CDH13: variants seen among roughly 807,000 people sequenced by gnomAD.
CDH13 encodes the protein cadherin-13.
In CDH13, 24 loss-of-function variants were observed where a neutral mutation model predicts 63.8. The ratio of observed to expected loss-of-function variants is 0.38; its 90% confidence interval spans 0.27 to 0.53. CDH13 has a LOEUF of 0.53. Among genes scored for constraint, CDH13 ranks in the 20% least tolerant of loss-of-function variants. CDH13 has a pLI of 0.85. For synonymous variants in CDH13, 503 were observed against 355.3 expected, an observed-to-expected ratio of 1.42 and a Z score of -4.67; for missense variants, 1,049 against 903.1, an observed-to-expected ratio of 1.16 and a Z score of -2.07.
chr16:83,528,222 T>C (rs2075005936), intron 7 of CDH13, among the ~76,000 whole-genome samples: 1 of 152,228 alleles, frequency 6.6e-6, no homozygotes, highest in African/African-American at 2.4e-5. Flanking sequence ...GTAATATCCC[T>C]GCAGCTATTC....
chr16:82,897,732 C>G (rs192457993), intron 2 of CDH13, among the ~76,000 whole-genome samples: 5 of 152,268 alleles, frequency 3.3e-5, no homozygotes, highest in Admixed American at 6.5e-5. Context: ...ATACTCTGCC[C>G]TGCTGAGTAG....
chr16:83,030,070 G>A lies in CDH13; in HGVS notation c.158-1940G>A, dbSNP rs113046849. ...ACCATTGAGGGGAGCATGATCAGCC[G>A]TCACAGCCTCTGCTTGTGTCAATGC... On this transcript the variant is annotated intron_variant, in intron 2 of 13. Transcript: ENST00000567109. Among the ~76,000 whole-genome samples, 100 of 152,242 alleles carry A rather than the reference G, an allele frequency of 6.6e-4. 1 individual carries two copies. In the East Asian group the frequency reaches 9.7e-3, roughly 15 times the overall value.
intron 7 of CDH13, among the ~76,000 whole-genome samples, chr16:83,556,361 T>G (rs2075602284): frequency 6.6e-6 from 1 of 152,212 alleles, no homozygotes; most frequent in South Asian, 2.1e-4. Context: ...ACTGGTTAAA[T>G]GCCTTGTCTA....
intron 1 of CDH13, among the ~76,000 whole-genome samples, chr16:82,700,220 G>A (rs1010313711): frequency 1.3e-5 from 2 of 152,182 alleles, no homozygotes. Flanking sequence ...CTGTGAATGT[G>A]CATACTGAAT....
At chr16:82,945,211 A>C (rs1904570783) in intron 2 of CDH13, among the ~76,000 whole-genome samples, 1 of 152,228 alleles carries the variant, frequency 6.6e-6, no homozygotes, top group African/African-American at 2.4e-5. Flanking sequence ...GTGGGCCATG[A>C]AGTTTCTGTG....
intron 6 of CDH13, among the ~76,000 whole-genome samples, chr16:83,428,148 C>A (rs1225228421): frequency 6.6e-6 from 1 of 152,064 alleles, no homozygotes; most frequent in Non-Finnish European, 1.5e-5. Flanking sequence ...GGAAATGGCA[C>A]CTTTTGACTG....
At chr16:83,531,385 C>G (rs751062324) in intron 7 of CDH13, among the ~76,000 whole-genome samples, 2 of 152,196 alleles carry the variant, frequency 1.3e-5, no homozygotes, top group Non-Finnish European at 2.9e-5. Context: ...CACCCAAGTC[C>G]TGATCCTGGT....
rs1009076778 is a variant in CDH13, at chr16:83,800,297, T to G, written c.*5267T>G. On this transcript the variant is annotated 3_prime_UTR_variant, in exon 14 of 14. Coordinates refer to ENST00000567109, the MANE Select transcript of CDH13 (RefSeq NM_001257.5). The stretch of plus-strand genomic sequence containing the variant: ...TTTCTTTAGAGAGTACTAAAGCCAT[T>G]CTATATCTGTCGTACACATGAATTC... 7.2e-5 allele frequency: 11 copies of G among 152,334 alleles called. No homozygotes were observed. Among genetic ancestry groups the G allele is most frequent in the African/African-American group, 2.6e-4 (11 of 41,576 alleles). The allele number at this position is 152,334 out of a possible 1,614,324, so 9.4% of individuals were successfully genotyped here. A position where few individuals can be genotyped will look rare whatever the true frequency, so the allele number is the denominator to read the frequency against.
chr16:83,204,490 CTA>C (rs2039124719), intron 4 of CDH13, among the ~76,000 whole-genome samples: 1 of 152,166 alleles, frequency 6.6e-6, no homozygotes. Context: ...TAAGCATTTC[CTA>C]TGTCTCAGGT....
intron 7 of CDH13, among the ~76,000 whole-genome samples, chr16:83,535,518 C>G (rs1820534227): frequency 6.6e-6 from 1 of 152,170 alleles, no homozygotes; most frequent in Admixed American, 6.5e-5. Context: ...AGAGGACAGT[C>G]ACAGGCATCT....
chr16:83,577,335 G>A (rs529591643), intron 7 of CDH13, among the ~76,000 whole-genome samples: 13 of 152,312 alleles, frequency 8.5e-5, no homozygotes, highest in East Asian at 1.9e-4. Context: ...TTCCCAGCAC[G>A]TCCTTTTCAG....
chr16:83,134,301 T>C (rs999124339), intron 4 of CDH13, among the ~76,000 whole-genome samples: 2 of 152,144 alleles, frequency 1.3e-5, no homozygotes, highest in African/African-American at 2.4e-5. Flanking sequence ...CAAGCAGTTC[T>C]GCCTCAGCTT....
chr16:83,765,541 TATA>T (rs1432807154), intron 11 of CDH13, among the ~76,000 whole-genome samples: 3 of 5,630 alleles, frequency 5.3e-4, no homozygotes, highest in African/African-American at 8.8e-4. Context: ...CATTTTTCTA[TATA>T]TATATATATA....
intron 6 of CDH13, among the ~76,000 whole-genome samples, chr16:83,473,126 A>G (rs2151542349): frequency 1.3e-5 from 2 of 152,236 alleles, no homozygotes; most frequent in South Asian, 4.2e-4. Flanking sequence ...CCTAATAGAG[A>G]TCCTTCATCA....
intron 2 of CDH13, among the ~76,000 whole-genome samples, chr16:82,925,705 G>C (rs1305815661): frequency 6.6e-6 from 1 of 152,170 alleles, no homozygotes; most frequent in Admixed American, 6.5e-5. Context: ...AGCCAGAAAT[G>C]GCCCACAGCC....
chr16:82,643,130 G>A (rs1909624423), intron 1 of CDH13, among the ~76,000 whole-genome samples: 1 of 152,212 alleles, frequency 6.6e-6, no homozygotes, highest in African/African-American at 2.4e-5. Flanking sequence ...CTAGATAGTG[G>A]TGGTGATTAC....
chr16:83,750,424 A>T (rs1912982583), intron 11 of CDH13, among the ~76,000 whole-genome samples: 1 of 152,166 alleles, frequency 6.6e-6, no homozygotes, highest in African/African-American at 2.4e-5. Context: ...TTTCCATTTT[A>T]ATTTACTTTA....
At chr16:83,116,960 C>T (rs546415078) in intron 3 of CDH13, among the ~76,000 whole-genome samples, 1 of 152,288 alleles carries the variant, frequency 6.6e-6, no homozygotes, top group Admixed American at 6.5e-5. Context: ...TGCAGCTTCT[C>T]ATTTCGTTCT....
chr16:83,666,577 C>T (rs1913971676), intron 8 of CDH13, among the ~76,000 whole-genome samples: 1 of 152,350 alleles, frequency 6.6e-6, no homozygotes, highest in South Asian at 2.1e-4. Flanking sequence ...ACTCTACCAC[C>T]TCTGGAGTCT....
Sources: gnomAD v4.1 joint callset for allele counts (sites outside exome capture counted in the v4.1 genomes callset) on GRCh38, gnomAD v4.1.1 for gene constraint, MANE v1.5 for transcripts, NCBI Gene and HGNC (gene_info 2026-07-23, HGNC 2026-07-21) for gene names.